Variants in RPS6KB2 observed in about 807,000 individuals in gnomAD.
The protein encoded by RPS6KB2 is ribosomal protein S6 kinase B2.
RPS6KB2 carries 51 observed loss-of-function variants against 58.2 expected under a neutral mutation model. The observed-to-expected ratio is 0.88, with a 90% CI of 0.70 to 1.11. RPS6KB2 has a LOEUF of 1.11. Ranked by LOEUF, RPS6KB2 falls within the 50% of genes least tolerant of loss-of-function variation. The pLI is 0.00. For missense variants in RPS6KB2, 671 were observed against 655.8 expected (o/e 1.02, Z -0.25); for synonymous variants, 293 against 258.6 (o/e 1.13, Z -1.28).
At chr11:67,431,669 C>T (rs1431299391) in intron 5 of RPS6KB2, 154 bp downstream of exon 5, 2 of 632,786 alleles carry the variant, frequency 3.2e-6, no homozygotes, top group Non-Finnish European at 2.7e-6. Flanking sequence ...TCCATCCGTG[C>T]ATCCGTCCCA....
chr11:67,434,028 G>C lies in RPS6KB2; in HGVS notation c.940G>C (p.Gly314Arg), dbSNP rs753642062. 9.9e-6 allele frequency: 16 copies of C among 1,614,020 alleles called. No homozygotes were observed. The South Asian group carries it at 1.4e-4, about 14-fold the overall frequency. Residue 314 changes from glycine to arginine, a missense_variant, in exon 11 of 15, where the codon GGT (glycine) becomes CGT (arginine). Coordinates refer to ENST00000312629, the MANE Select transcript of RPS6KB2 (RefSeq NM_003952.3). Reference sequence around the variant, plus strand: ...ACGGAATCCCAGCCAGCGGATTGGGGGTGGCCCAGGGGATGCTGCTGATGT... The same window carrying C: ...ACGGAATCCCAGCCAGCGGATTGGGCGTGGCCCAGGGGATGCTGCTGATGT... ...LKRNPSQRIG[G>R]GPGDAADVQR...
chr11:67,429,095 C>A, intron 2 of RPS6KB2, 25 bp from the exon 3 acceptor site: 1 of 1,613,856 alleles, frequency 6.2e-7, no homozygotes, highest in South Asian at 1.1e-5. Context: ...GGAGCCTTGT[C>A]CTCATTAACT....
Position 67,431,474 on chromosome 11 carries a change from A to T in RPS6KB2, c.416A>T (p.Gln139Leu). ...ATTGTGGAACTGGCCTATGCCTTCC[A>T]GACTGGTGGCAAACTCTACCTCATC... ...PFIVELAYAFQTGGKLYLILE... is the reference protein window; with the variant it reads ...PFIVELAYAFLTGGKLYLILE... Residue 139 changes from glutamine to leucine, a missense_variant, in exon 5 of 15, where the codon CAG becomes CTG. Physicochemically the swap from Gln to Leu is moderately radical, Grantham distance 113 (BLOSUM62 -2). Coordinates refer to ENST00000312629, the MANE Select transcript of RPS6KB2 (RefSeq NM_003952.3). 6.2e-7 allele frequency: 1 copy of T among 1,614,122 alleles called. No individual in the cohort carries two copies. The highest frequency in any genetic ancestry group is 8.5e-7 in the Non-Finnish European group (1 of 1,179,998).
rs566682687 is a variant in RPS6KB2 at position 67,434,689 on chromosome 11, C to T, written c.1263C>T (p.Pro421=). ...PRRLNSSPRA[P]VSPLKFSPFE... Reference sequence around the variant, plus strand: ...GCCTCAACAGTAGCCCCCGGGCCCCCGTCAGGTACTGAGGGACGTGGGGGT... The same window carrying T: ...GCCTCAACAGTAGCCCCCGGGCCCCTGTCAGGTACTGAGGGACGTGGGGGT... The change falls in exon 14 of 15, where the codon CCC becomes CCT. Residue 421 remains proline, a synonymous_variant. Coordinates refer to ENST00000312629, the MANE Select transcript of RPS6KB2 (RefSeq NM_003952.3). 86 of 1,602,896 alleles carry T rather than the reference C, an allele frequency of 5.4e-5. No individual in the cohort carries two copies. In the Middle Eastern group the frequency reaches 1.2e-3, roughly 23 times the overall value.
chr11:67,428,518 C>G lies in RPS6KB2; in HGVS notation c.-28C>G. On this transcript the variant is annotated 5_prime_UTR_variant, in exon 1 of 15. Transcript: ENST00000312629. ...CAGTCAGTGCGCGGCCAGGTACGGG[C>G]CGACGGGCCCGCGGGGCCGGCGCCG... The G allele has an allele frequency of 6.3e-7, 1 of 1,589,648 alleles. No homozygotes were observed.
At position 67,434,196 on chromosome 11, in the gene RPS6KB2, A is replaced by G; in HGVS notation, c.970-2A>G. 1.2e-6 allele frequency: 2 copies of G among 1,614,072 alleles called. No individual in the cohort carries two copies. On this transcript the variant is annotated splice_acceptor_variant, in intron 11 of 14. Coordinates refer to ENST00000312629, the MANE Select transcript of RPS6KB2 (RefSeq NM_003952.3). LOFTEE classifies it high-confidence loss of function. ...TGGGTTTGGTGCATTCTCTACCTAC[A>G]GAGACATCCCTTTTTCCGGCACATG...
Position 67,435,256 on chromosome 11 carries a change from G to T in RPS6KB2, c.*87G>T. Reference sequence around the variant, plus strand: ...GACCCTGGGCCAGTTCCAGAGACCTGGGGGTGTGTCTGGGGGTGGGGTGTG... The same window carrying T: ...GACCCTGGGCCAGTTCCAGAGACCTTGGGGTGTGTCTGGGGGTGGGGTGTG... On this transcript the variant is annotated 3_prime_UTR_variant, in exon 15 of 15. Coordinates refer to ENST00000312629, the MANE Select transcript of RPS6KB2 (RefSeq NM_003952.3). 8.2e-7 allele frequency: 1 copy of T among 1,217,586 alleles called. No individual in the cohort carries two copies. The highest frequency in any genetic ancestry group is 1.1e-6 in the Non-Finnish European group (1 of 896,698). 75.4% of individuals were successfully genotyped at this position (1,217,586 alleles called of 1,614,324 possible).
chr11:67,433,860 G>A (rs773873488), intron 10 of RPS6KB2, 135 bp from the exon 11 acceptor site: 1 of 941,398 alleles, frequency 1.1e-6, no homozygotes, highest in South Asian at 1.4e-5. Flanking sequence ...AAGCCCTGAG[G>A]GTATCCATAG....
In RPS6KB2 at chr11:67,435,290, T is replaced by A. The variant is rs1864233334; in HGVS notation, c.*121T>A. ...TCTGGGGGTGGGGTGTGAGTGCGTATGAAAGTGTGTGTCTGCTGGGGCAGC... is the reference window on the plus strand; with the variant it reads ...TCTGGGGGTGGGGTGTGAGTGCGTAAGAAAGTGTGTGTCTGCTGGGGCAGC... On this transcript the variant is annotated 3_prime_UTR_variant, in exon 15 of 15. Coordinates refer to ENST00000312629, the MANE Select transcript of RPS6KB2 (RefSeq NM_003952.3). 6 of 917,912 alleles carry A rather than the reference T, an allele frequency of 6.5e-6. No individual in the cohort carries two copies. The highest frequency in any genetic ancestry group is 9.5e-6 in the Non-Finnish European group (6 of 629,762). The allele number at this position is 917,912 out of a possible 1,614,324, so 56.9% of individuals were successfully genotyped here.
chr11:67,429,376 G>C, intron 3 of RPS6KB2, 136 bp downstream of exon 3: 1 of 1,398,362 alleles, frequency 7.2e-7, no homozygotes, highest in Non-Finnish European at 9.9e-7. Flanking sequence ...AGGAGGGAAG[G>C]CCAAATCCTC....
Position 67,434,604 on chromosome 11 carries a change from C to T in RPS6KB2, c.1178C>T (p.Ser393Phe), listed in dbSNP as rs756490332. The change falls in exon 14 of 15, where the codon TCT becomes TTT. Residue 393 changes from serine (S) to phenylalanine (F), a missense_variant. Coordinates refer to ENST00000312629, the MANE Select transcript of RPS6KB2 (RefSeq NM_003952.3). ...CAGGGCTTCACATACGTGGCGCCGTCTGTCCTGGACAGCATCAAGGAGGGC... is the reference window on the plus strand; with the variant it reads ...CAGGGCTTCACATACGTGGCGCCGTTTGTCCTGGACAGCATCAAGGAGGGC... ...AFLGFTYVAP[S>F]VLDSIKEGFS... The T allele has an allele frequency of 6.7e-5, 107 of 1,607,736 alleles. 1 individual carries two copies. In the South Asian group the frequency reaches 1.2e-3, roughly 18 times the overall value.
intron 10 of RPS6KB2, 50 bp from the exon 11 acceptor site, chr11:67,433,945 C>T: frequency 6.2e-7 from 1 of 1,604,848 alleles, no homozygotes; most frequent in Non-Finnish European, 8.5e-7. Flanking sequence ...GACCCGGGGA[C>T]ACATGAGCAG....
chr11:67,432,686 G>A, intron 6 of RPS6KB2, 29 bp downstream of exon 6: 1 of 1,614,002 alleles, frequency 6.2e-7, no homozygotes. Context: ...CTTTCCTGAG[G>A]CTGCCAGGTC....
rs759417660 is a variant in RPS6KB2, at chr11:67,428,570, T to G, written c.25T>G (p.Leu9Val). Residue 9 changes from leucine (L) to valine (V), a missense_variant, in exon 1 of 15, where the codon TTG (leucine) becomes GTG (valine). Leu to Val is a conservative substitution (Grantham distance 32). Coordinates refer to ENST00000312629, the MANE Select transcript of RPS6KB2 (RefSeq NM_003952.3). ...CATGGCGGCCGTGTTTGATTTGGAT[T>G]TGGAGACGGAGGAAGGCAGCGAGGG... MAAVFDLD[L>V]ETEEGSEGEG... 2.5e-6 allele frequency: 4 copies of G among 1,610,872 alleles called. No individual in the cohort carries two copies. Among genetic ancestry groups the G allele is most frequent in the Admixed American group, 1.7e-5 (1 of 59,878 alleles).
chr11:67,432,841 C>A lies in RPS6KB2; in HGVS notation c.616+4C>A, dbSNP rs372182879. On this transcript the variant is annotated splice_donor_region_variant and intron_variant, in intron 7 of 14. Coordinates refer to ENST00000312629, the MANE Select transcript of RPS6KB2 (RefSeq NM_003952.3). ...AACATCATGCTCAGCAGCCAGGGTG[C>A]GCATGTGTGTGCGGGCAGCTGCAGG... 1 of 1,613,008 alleles carries A rather than the reference C, an allele frequency of 6.2e-7. No homozygotes were observed. Among genetic ancestry groups the A allele is most frequent in the Middle Eastern group, 1.6e-4 (1 of 6,062 alleles).
chr11:67,428,511 G>T lies in RPS6KB2; in HGVS notation c.-35G>T, dbSNP rs750083022. On this transcript the variant is annotated 5_prime_UTR_variant, in exon 1 of 15. Coordinates refer to ENST00000312629, the MANE Select transcript of RPS6KB2 (RefSeq NM_003952.3). ...GGACTGTCAGTCAGTGCGCGGCCAG[G>T]TACGGGCCGACGGGCCCGCGGGGCC... The T allele has an allele frequency of 1.3e-6, 2 of 1,580,762 alleles. No homozygotes were observed. The highest frequency in any genetic ancestry group is 1.7e-6 in the Non-Finnish European group (2 of 1,159,818).
At chr11:67,434,297 C>T (rs751583000) in intron 12 of RPS6KB2, 22 bp downstream of exon 12, 1 of 1,612,620 alleles carries the variant, frequency 6.2e-7, no homozygotes, top group South Asian at 1.1e-5. Flanking sequence ...GGCTGGTGGC[C>T]AGTGGCCGGT....
chr11:67,431,617 G>C lies in RPS6KB2; in HGVS notation c.457+102G>C, dbSNP rs887621189. ...AGCTCTTGAGAGATGAGTCTGTGGG[G>C]GTTGGCTAGGGGGCCCCCACTCTGT... On this transcript the variant is annotated intron_variant, in intron 5 of 14. Transcript: ENST00000312629. 2.0e-5 allele frequency: 25 copies of C among 1,239,854 alleles called. No individual in the cohort carries two copies. In the Admixed American group the frequency reaches 5.7e-4, roughly 28 times the overall value. 76.8% of individuals were successfully genotyped at this position (1,239,854 alleles called of 1,614,324 possible). A position where few individuals can be genotyped will look rare whatever the true frequency, so the allele number is the denominator to read the frequency against.
In RPS6KB2 at chr11:67,428,530, C is replaced by CG; in HGVS notation, c.-12dup. 1.3e-6 allele frequency: 2 copies of CG among 1,599,738 alleles called. No individual in the cohort carries two copies. Among genetic ancestry groups the CG allele is most frequent in the Non-Finnish European group, 1.7e-6 (2 of 1,173,130 alleles). ...GGCCAGGTACGGGCCGACGGGCCCG[C>CG]GGGGCCGGCGCCGCCATGGCGGCCG... On this transcript the variant is annotated 5_prime_UTR_variant, in exon 1 of 15. Coordinates refer to ENST00000312629, the MANE Select transcript of RPS6KB2 (RefSeq NM_003952.3).
Sources: allele counts gnomAD v4.1 joint callset, GRCh38; gene constraint gnomAD v4.1.1; transcripts MANE v1.5; gene names NCBI Gene and HGNC (gene_info 2026-07-23, HGNC 2026-07-21).